The following SHPK variants were observed in gnomAD, a reference collection of about 807,000 sequenced individuals.
The protein encoded by SHPK is carbohydrate kinase-like protein.
In SHPK, 51 loss-of-function variants were observed where a neutral mutation model predicts 46.3. That is an observed-to-expected ratio of 1.10 (90% confidence interval 0.88 to 1.39). SHPK has a LOEUF of 1.39. Among genes scored for constraint, SHPK ranks in the 40% most tolerant of loss-of-function variants. The pLI is 0.00. For synonymous variants in SHPK, 290 were observed against 273.9 expected, an observed-to-expected ratio of 1.06 and a Z score of -0.58; for missense variants, 668 against 641.3, an observed-to-expected ratio of 1.04 and a Z score of -0.45.
At chr17:3,632,397 C>G (rs995077765) in intron 1 of SHPK, among the ~76,000 whole-genome samples, 1 of 152,146 alleles carries the variant, frequency 6.6e-6, no homozygotes. Flanking sequence ...AGCCTGAGAC[C>G]AGCCTCAGCA....
intron 5 of SHPK, among the ~76,000 whole-genome samples, chr17:3,616,306 T>C (rs2075371481): frequency 2.0e-5 from 3 of 152,142 alleles, no homozygotes; most frequent in Non-Finnish European, 4.4e-5. Context: ...CCTATCTCGG[T>C]CACGCTGTCT....
chr17:3,630,017 T>C (rs1296767809), intron 2 of SHPK, among the ~76,000 whole-genome samples, 188 bp downstream of exon 2: 2 of 152,082 alleles, frequency 1.3e-5, no homozygotes, highest in Non-Finnish European at 2.9e-5. Context: ...GGCAGTTCCT[T>C]TGTTCACCTA....
intron 1 of SHPK, 76 bp from the exon 2 acceptor site, chr17:3,630,422 C>T (rs1033151847): frequency 1.4e-6 from 2 of 1,433,934 alleles, no homozygotes; most frequent in Non-Finnish European, 1.9e-6. Flanking sequence ...CCGGGATGTC[C>T]TGGAGGAGGA....
intron 4 of SHPK, 84 bp downstream of exon 4, chr17:3,623,255 G>C (rs1399647720): frequency 1.3e-6 from 2 of 1,504,356 alleles, no homozygotes; most frequent in Non-Finnish European, 9.2e-7. Flanking sequence ...CTCCCAGATG[G>C]GAAAGCACCC....
At chr17:3,634,196 C>T (rs991102368) in intron 1 of SHPK, among the ~76,000 whole-genome samples, 3 of 148,336 alleles carry the variant, frequency 2.0e-5, no homozygotes, top group African/African-American at 5.0e-5. Context: ...ATCTGCTGTC[C>T]TTCCCTCCAC....
chr17:3,611,128 C>T (rs903144868), intron 6 of SHPK, among the ~76,000 whole-genome samples, 156 bp from the exon 7 acceptor site: 1 of 152,194 alleles, frequency 6.6e-6, no homozygotes, highest in Non-Finnish European at 1.5e-5. Flanking sequence ...TATAGCCAGG[C>T]TAGCTACACT....
intron 2 of SHPK, among the ~76,000 whole-genome samples, chr17:3,624,511 G>A (rs117252787): frequency 1.3e-5 from 2 of 152,114 alleles, no homozygotes; most frequent in African/African-American, 2.4e-5. Flanking sequence ...CCACATCTCA[G>A]AAGATGTTTG....
In SHPK at chr17:3,621,268, G is replaced by C; in HGVS notation, c.792C>G (p.Val264=). 1 of 1,613,860 alleles carries C rather than the reference G, an allele frequency of 6.2e-7. No homozygotes were observed. Among genetic ancestry groups the C allele is most frequent in the Non-Finnish European group, 8.5e-7 (1 of 1,179,906 alleles). ...CTGTCCTCTGGGCCATGCAGGAATA[G>C]ACAGAGGCCTGTAAATCACCCAAGG... The part of the protein sequence containing the change: ...GVALGDLQAS[V]YSCMAQRTDA... Residue 264 remains valine (V), a synonymous_variant, in exon 5 of 7, where the codon GTC becomes GTG. Coordinates refer to ENST00000225519, the MANE Select transcript of SHPK (RefSeq NM_013276.4).
At chr17:3,620,404 G>T (rs989867887) in intron 5 of SHPK, among the ~76,000 whole-genome samples, 1 of 151,904 alleles carries the variant, frequency 6.6e-6, no homozygotes, top group African/African-American at 2.4e-5. Flanking sequence ...GGGACTACAG[G>T]CGCCCATCAC....
At position 3,622,996 on chromosome 17, in the gene SHPK, C is replaced by T. The variant is rs574190826; in HGVS notation, c.647+343G>A. 9.8e-5 allele frequency among the ~76,000 whole-genome samples: 15 copies of T among 152,324 alleles called. No individual in the cohort carries two copies. The East Asian group carries it at 1.5e-3, about 16-fold the overall frequency. ...CTGGGATTACAGGCATGAGCCACCG[C>T]GCCTGGCTCTCTAAGTTTAAGTATT... On this transcript the variant is annotated intron_variant, in intron 4 of 6. Coordinates refer to ENST00000225519, the MANE Select transcript of SHPK (RefSeq NM_013276.4).
chr17:3,635,159 G>A (rs982854859), intron 1 of SHPK, among the ~76,000 whole-genome samples: 2 of 121,212 alleles, frequency 1.7e-5, no homozygotes, highest in Admixed American at 1.8e-4. Flanking sequence ...GCAACAGAGC[G>A]AGACTTGGTA....
intron 2 of SHPK, among the ~76,000 whole-genome samples, chr17:3,628,025 C>G (rs984981776): frequency 6.6e-6 from 1 of 151,888 alleles, no homozygotes; most frequent in African/African-American, 2.4e-5. Context: ...TCAGCTCCTA[C>G]GATTGCCCAG....
rs1169080406 is a variant in SHPK, at chr17:3,611,510, A to C, written c.1025-538T>G. 3.3e-5 allele frequency among the ~76,000 whole-genome samples: 5 copies of C among 152,196 alleles called. No individual in the cohort carries two copies. The East Asian group carries it at 9.6e-4, about 29-fold the overall frequency. Reference sequence around the variant, plus strand: ...CTTGAACCTGGGAGGCAGAGGTTGCAGTGAGCGGAGCTTGCACCACTGCAC... The same window carrying C: ...CTTGAACCTGGGAGGCAGAGGTTGCCGTGAGCGGAGCTTGCACCACTGCAC... On this transcript the variant is annotated intron_variant, in intron 6 of 6. Coordinates refer to ENST00000225519, the MANE Select transcript of SHPK (RefSeq NM_013276.4).
intron 5 of SHPK, among the ~76,000 whole-genome samples, chr17:3,618,926 G>C (rs909873320): frequency 6.6e-5 from 10 of 152,154 alleles, no homozygotes; most frequent in Non-Finnish European, 4.4e-5. Flanking sequence ...TGTATTTCTA[G>C]GAGCAGAATT....
chr17:3,635,594 C>A (rs2075515378), intron 1 of SHPK, among the ~76,000 whole-genome samples: 1 of 152,166 alleles, frequency 6.6e-6, no homozygotes, highest in South Asian at 2.1e-4. Context: ...GCCAGTTAGG[C>A]CTGATTTGAC....
chr17:3,632,571 G>A (rs2075479255), intron 1 of SHPK, among the ~76,000 whole-genome samples: 1 of 152,006 alleles, frequency 6.6e-6, no homozygotes, highest in African/African-American at 2.4e-5. Flanking sequence ...GTGTTCAGCA[G>A]TTAGAAACAG....
Position 3,609,743 on chromosome 17 carries a change from C to A in SHPK, c.*817G>T, listed in dbSNP as rs528372924. 1.3e-5 allele frequency: 2 copies of A among 152,360 alleles called. 1 individual carries two copies. The highest frequency in any genetic ancestry group is 4.1e-4 in the South Asian group (2 of 4,836). 9.4% of individuals were successfully genotyped at this position (152,360 alleles called of 1,614,324 possible). On this transcript the variant is annotated 3_prime_UTR_variant, in exon 7 of 7. Coordinates refer to ENST00000225519, the MANE Select transcript of SHPK (RefSeq NM_013276.4). ...GCAAAAACACTGCTGCACAGACATG[C>A]TCCTGGCAAGGGGTCCTGCTGGTGC... is the stretch of plus-strand genomic sequence containing the variant.
chr17:3,622,866 A>G (rs1002362778), intron 4 of SHPK, among the ~76,000 whole-genome samples: 1 of 151,812 alleles, frequency 6.6e-6, no homozygotes, highest in South Asian at 2.1e-4. Flanking sequence ...CACCACGCCC[A>G]GCTAATTTTT....
At chr17:3,634,971 A>G (rs1289629937) in intron 1 of SHPK, among the ~76,000 whole-genome samples, 1 of 151,978 alleles carries the variant, frequency 6.6e-6, no homozygotes, top group Non-Finnish European at 1.5e-5. Context: ...CAGGAGTTCA[A>G]GACCAGTCTG....
Sources: gnomAD v4.1 joint callset for allele counts (sites outside exome capture counted in the v4.1 genomes callset) on GRCh38, gnomAD v4.1.1 for gene constraint, MANE v1.5 for transcripts, NCBI Gene and HGNC (gene_info 2026-07-23, HGNC 2026-07-21) for gene names.